Variants in CDC25A observed in about 807,000 individuals in gnomAD.
CDC25A encodes cell division cycle 25A.
In CDC25A, 17 loss-of-function variants were observed where a neutral mutation model predicts 64.6. The ratio of observed to expected loss-of-function variants is 0.26; its 90% CI spans 0.18 to 0.39. The LOEUF (loss-of-function observed/expected upper bound fraction) is 0.39. Ranked by LOEUF, CDC25A falls within the 10% of genes least tolerant of loss-of-function variation. The probability of loss-of-function intolerance (pLI) is 1.00; values close to 1 mark genes in which losing one functional copy is unlikely to be tolerated. For synonymous variants in CDC25A, 229 were observed against 238.6 expected (o/e 0.96, Z 0.37); for missense variants, 473 against 654.8 (o/e 0.72, Z 3.03).
chr3:48,172,016 T>A lies in CDC25A; in HGVS notation c.930+2268A>T, dbSNP rs3731528. 1.2e-3 allele frequency among the ~76,000 whole-genome samples: 183 copies of A among 151,974 alleles called. 7 individuals are homozygous for A. The South Asian group carries it at 0.037, about 31-fold the overall frequency. On this transcript the variant is annotated intron_variant, in intron 9 of 14. Transcript: ENST00000302506. ...ACAAAAAATAAAAAAAAATTTTTTT[T>A]AAATTAACTGGGCATGGTGGTGCAT...
At chr3:48,178,952 C>A (rs767034559) in intron 6 of CDC25A, among the ~76,000 whole-genome samples, 6 of 152,238 alleles carry the variant, frequency 3.9e-5, no homozygotes, top group Middle Eastern at 3.4e-3. Context: ...GCAGGGTAGT[C>A]CCAATGTTAT....
chr3:48,176,307 A>T (rs1035461448), intron 8 of CDC25A, among the ~76,000 whole-genome samples: 2 of 152,102 alleles, frequency 1.3e-5, no homozygotes, highest in African/African-American at 2.4e-5. Flanking sequence ...CTCTGAACAT[A>T]CAGGTGTATA....
chr3:48,162,266 T>TTGTGTGTG (rs35591959), intron 13 of CDC25A, among the ~76,000 whole-genome samples: 78 of 144,790 alleles, frequency 5.4e-4, no homozygotes, highest in South Asian at 2.2e-3. Flanking sequence ...AGTATAACCT[T>TTGTGTGTG]TGTGTGTGTG....
intron 9 of CDC25A, among the ~76,000 whole-genome samples, chr3:48,169,730 G>A (rs560933457): frequency 3.8e-4 from 58 of 152,236 alleles, no homozygotes; most frequent in African/African-American, 1.4e-3. Context: ...TAGCTCTGCC[G>A]GGCGTGGTGG....
At chr3:48,169,114 T>C (rs1474424551) in intron 9 of CDC25A, among the ~76,000 whole-genome samples, 1 of 152,232 alleles carries the variant, frequency 6.6e-6, no homozygotes, top group Non-Finnish European at 1.5e-5. Context: ...CTTTCAACTT[T>C]GGAAGATGCT....
At chr3:48,174,551 T>A in intron 8 of CDC25A, 94 bp from the exon 9 acceptor site, 1 of 1,237,194 alleles carries the variant, frequency 8.1e-7, no homozygotes, top group Non-Finnish European at 1.1e-6. Context: ...TGGGATGATC[T>A]AAGATCAATT....
rs773974238 is a variant in CDC25A at position 48,183,760 on chromosome 3, T to C, written c.327+40A>G. On this transcript the variant is annotated intron_variant, in intron 4 of 14. Transcript: ENST00000302506. ...GTCATGCTGGTAGCTAAGGAACAGA[T>C]AACAGGTATTAGCTCAAAATAAACA... 3 of 1,324,082 alleles carry C rather than the reference T, an allele frequency of 2.3e-6. 1 individual carries two copies. The highest frequency in any genetic ancestry group is 3.3e-6 in the Non-Finnish European group (3 of 919,188). The allele number at this position is 1,324,082 out of a possible 1,614,324, so 82.0% of individuals were successfully genotyped here.
intron 6 of CDC25A, among the ~76,000 whole-genome samples, chr3:48,179,952 C>T (rs1575270776): frequency 6.6e-6 from 1 of 152,150 alleles, no homozygotes; most frequent in African/African-American, 2.4e-5. Flanking sequence ...TCTATAGATG[C>T]TATCAGTTAA....
At position 48,158,265 on chromosome 3, in the gene CDC25A, A is replaced by C. The variant is rs925301372; in HGVS notation, c.*680T>G. On this transcript the variant is annotated 3_prime_UTR_variant, in exon 15 of 15. Transcript: ENST00000302506. Reference sequence around the variant, plus strand: ...CAGGACCTCAGTTCTTGGCTTAAATAGCAGCAGCCCCAGTACCACAGCGCC... The same window carrying C: ...CAGGACCTCAGTTCTTGGCTTAAATCGCAGCAGCCCCAGTACCACAGCGCC... 1 of 152,558 alleles carries C rather than the reference A, an allele frequency of 6.6e-6. No individual in the cohort carries two copies. Among genetic ancestry groups the C allele is most frequent in the African/African-American group, 2.4e-5 (1 of 41,438 alleles). 9.5% of individuals were successfully genotyped at this position (152,558 alleles called of 1,614,324 possible).
chr3:48,163,099 T>C (rs1389417137), intron 13 of CDC25A, among the ~76,000 whole-genome samples: 1 of 151,512 alleles, frequency 6.6e-6, no homozygotes, highest in Non-Finnish European at 1.5e-5. Context: ...CCGGCCAACA[T>C]GGTGAAACCC....
intron 2 of CDC25A, among the ~76,000 whole-genome samples, chr3:48,185,150 A>C (rs1393924599): frequency 6.6e-6 from 1 of 152,076 alleles, no homozygotes; most frequent in African/African-American, 2.4e-5. Flanking sequence ...AGTGGCTCAC[A>C]CCTGTGATTC....
chr3:48,178,092 G>A, intron 6 of CDC25A, 104 bp from the exon 7 acceptor site: 1 of 1,145,914 alleles, frequency 8.7e-7, no homozygotes, highest in Non-Finnish European at 1.2e-6. Flanking sequence ...TGTTATACTT[G>A]TTATACAAAG....
Position 48,158,097 on chromosome 3 carries a change from G to C in CDC25A, c.*848C>G, listed in dbSNP as rs553106895. 6.6e-6 allele frequency: 1 copy of C among 152,246 alleles called. No individual in the cohort carries two copies. The highest frequency in any genetic ancestry group is 1.5e-5 in the Non-Finnish European group (1 of 68,000). 9.4% of individuals were successfully genotyped at this position (152,246 alleles called of 1,614,324 possible). ...CTGCCTCAAGTGCTTTCCTGACTGT[G>C]GCTCCTATACCAGCCAATGTCATGG... is the stretch of plus-strand genomic sequence containing the variant. On this transcript the variant is annotated 3_prime_UTR_variant, in exon 15 of 15. Coordinates refer to ENST00000302506, the MANE Select transcript of CDC25A (RefSeq NM_001789.3).
chr3:48,185,717 C>A (rs1434180747), intron 2 of CDC25A, among the ~76,000 whole-genome samples: 1 of 152,172 alleles, frequency 6.6e-6, no homozygotes, highest in East Asian at 1.9e-4. Context: ...GTCCATCTCA[C>A]AAAAGGCAGC....
At chr3:48,159,242 G>C in intron 14 of CDC25A, 102 bp downstream of exon 14, 2 of 1,261,494 alleles carry the variant, frequency 1.6e-6, no homozygotes, top group Non-Finnish European at 2.3e-6. Context: ...TACCCACCTT[G>C]TCCCCCGACC....
intron 12 of CDC25A, 67 bp from the exon 13 acceptor site, chr3:48,164,504 G>A: frequency 7.2e-7 from 1 of 1,379,950 alleles, no homozygotes; most frequent in East Asian, 2.6e-5. Flanking sequence ...TCAGCAAGAT[G>A]TAATGATTCA....
At chr3:48,176,740 G>A (rs913246543) in intron 8 of CDC25A, among the ~76,000 whole-genome samples, 1 of 151,722 alleles carries the variant, frequency 6.6e-6, no homozygotes, top group Non-Finnish European at 1.5e-5. Flanking sequence ...GGAGGTCGAG[G>A]TGGGCAGATC....
intron 5 of CDC25A, chr3:48,181,555 G>A: frequency 6.4e-7 from 1 of 1,561,448 alleles, no homozygotes; most frequent in Non-Finnish European, 8.8e-7. Context: ...CTATCATGGT[G>A]AACTTACTTC....
chr3:48,178,249 C>T (rs1022731979), intron 6 of CDC25A, among the ~76,000 whole-genome samples: 26 of 152,070 alleles, frequency 1.7e-4, no homozygotes, highest in African/African-American at 6.0e-4. Flanking sequence ...CTAGAGATAG[C>T]CTCTTGTGAA....
Sources: gnomAD v4.1 joint callset for allele counts (sites outside exome capture counted in the v4.1 genomes callset) on GRCh38, gnomAD v4.1.1 for gene constraint, MANE v1.5 for transcripts, NCBI Gene and HGNC (gene_info 2026-07-23, HGNC 2026-07-21) for gene names.